GREM2: variants seen among roughly 807,000 people sequenced by gnomAD.
The protein encoded by GREM2 is gremlin-2.
GREM2 carries 11 observed loss-of-function variants against 14.2 expected under a neutral mutation model. The ratio of observed to expected loss-of-function variants is 0.78; its 90% CI spans 0.49 to 1.28. The LOEUF is 1.28. GREM2 is among the 50% of genes most tolerant of loss of function. The pLI is 0.00. For missense variants in GREM2, 210 were observed against 218.5 expected (o/e 0.96, Z 0.24); for synonymous variants, 98 against 97.6 (o/e 1.00, Z -0.02).
intron 1 of GREM2, among the ~76,000 whole-genome samples, chr1:240,603,792 T>C (rs1224777745): frequency 6.6e-6 from 1 of 151,820 alleles, no homozygotes; most frequent in African/African-American, 2.4e-5. Flanking sequence ...ATTGTGTTAT[T>C]ATATATGTAT....
chr1:240,569,922 T>TC (rs1179305940), intron 1 of GREM2, among the ~76,000 whole-genome samples: 1 of 35,556 alleles, frequency 2.8e-5, no homozygotes, highest in African/African-American at 5.0e-4. Context: ...TTCACTAAAA[T>TC]TTTTTTAATT....
chr1:240,560,690 C>G (rs545905207), intron 1 of GREM2, among the ~76,000 whole-genome samples: 3 of 152,234 alleles, frequency 2.0e-5, no homozygotes, highest in African/African-American at 4.8e-5. Flanking sequence ...CCTCTTGCTT[C>G]CAATCCTCTT....
intron 1 of GREM2, among the ~76,000 whole-genome samples, chr1:240,535,497 C>T (rs538461084): frequency 1.2e-4 from 18 of 152,142 alleles, no homozygotes; most frequent in African/African-American, 3.6e-4. Context: ...GTTTAAAGGA[C>T]GAATGTGAGA....
At chr1:240,597,982 A>C (rs1679854626) in intron 1 of GREM2, among the ~76,000 whole-genome samples, 2 of 152,172 alleles carry the variant, frequency 1.3e-5, no homozygotes, top group African/African-American at 4.8e-5. Context: ...AAGCCACCCT[A>C]ATAAATATTT....
intron 1 of GREM2, among the ~76,000 whole-genome samples, chr1:240,502,156 T>C (rs1677583169): frequency 6.6e-6 from 1 of 152,100 alleles, no homozygotes; most frequent in Admixed American, 6.5e-5. Flanking sequence ...TGTCTCTGTA[T>C]ACATAAAAAT....
intron 1 of GREM2, among the ~76,000 whole-genome samples, chr1:240,565,858 A>AAC (rs1039943245): frequency 1.3e-5 from 2 of 150,780 alleles, no homozygotes; most frequent in African/African-American, 4.9e-5. Flanking sequence ...AAAAAAAAAA[A>AAC]AAAACAAAAC....
intron 1 of GREM2, among the ~76,000 whole-genome samples, chr1:240,500,366 T>C (rs1572365196): frequency 6.6e-6 from 1 of 152,156 alleles, no homozygotes; most frequent in African/African-American, 2.4e-5. Flanking sequence ...TGGCGCGATC[T>C]TGGCTCACTG....
intron 1 of GREM2, 87 bp downstream of exon 1, chr1:240,611,793 GAACA>G (rs1432432185): frequency 6.6e-6 from 1 of 152,628 alleles, no homozygotes; most frequent in Non-Finnish European, 1.5e-5. Context: ...ACCAGCCACG[GAACA>G]AACAACGTCA....
intron 1 of GREM2, among the ~76,000 whole-genome samples, chr1:240,501,498 G>A (rs1408841562): frequency 2.6e-5 from 4 of 152,196 alleles, no homozygotes; most frequent in Non-Finnish European, 1.5e-5. Context: ...TAGGGAATTT[G>A]TAATCAACGT....
At chr1:240,584,187 C>T (rs886659457) in intron 1 of GREM2, among the ~76,000 whole-genome samples, 2 of 151,882 alleles carry the variant, frequency 1.3e-5, no homozygotes, top group African/African-American at 4.8e-5. Flanking sequence ...AGTAAGACCC[C>T]ATCTCTACAA....
chr1:240,505,856 G>T (rs2103283073), intron 1 of GREM2, among the ~76,000 whole-genome samples: 1 of 152,068 alleles, frequency 6.6e-6, no homozygotes, highest in East Asian at 1.9e-4. Context: ...AGAAAAAAAT[G>T]TAAAATTTCC....
At chr1:240,564,731 G>T (rs1246215295) in intron 1 of GREM2, among the ~76,000 whole-genome samples, 3 of 152,100 alleles carry the variant, frequency 2.0e-5, no homozygotes, top group Non-Finnish European at 4.4e-5. Context: ...CAAAGGCAAG[G>T]TATATTAACT....
Position 240,540,567 on chromosome 1 carries a change from CTTT to C in GREM2, c.-1-47094_-1-47092del, listed in dbSNP as rs113815795. 1.4e-5 allele frequency among the ~76,000 whole-genome samples: 2 copies of C among 143,090 alleles called. No homozygotes were observed. Among genetic ancestry groups the C allele is most frequent in the Non-Finnish European group, 1.5e-5 (1 of 64,892 alleles). 93.9% of individuals were successfully genotyped at this position (143,090 alleles called of 152,430 possible). A position where few individuals can be genotyped will look rare whatever the true frequency, so the allele number is the denominator to read the frequency against. On this transcript the variant is annotated intron_variant, in intron 1 of 1. Transcript: ENST00000318160. The surrounding 1 kb of genome is among the most constrained non-coding windows in gnomAD (Gnocchi z 4.2). ...GTAAGTCAAAAGAAGAATGGTACTT[CTTT>C]TTTTTTTTTTTGAGATGGAGTCTCA...
intron 1 of GREM2, among the ~76,000 whole-genome samples, chr1:240,526,448 A>T (rs1489697860): frequency 6.6e-6 from 1 of 152,194 alleles, no homozygotes; most frequent in East Asian, 1.9e-4. Flanking sequence ...CTTCAACACT[A>T]ATCCGGCAAG....
chr1:240,506,640 C>T (rs1478354018), intron 1 of GREM2, among the ~76,000 whole-genome samples: 2 of 152,196 alleles, frequency 1.3e-5, no homozygotes, highest in African/African-American at 4.8e-5. Flanking sequence ...ATACCAAAAG[C>T]ATTCTCCATT....
At chr1:240,517,292 C>A (rs985958428) in intron 1 of GREM2, among the ~76,000 whole-genome samples, 1 of 152,176 alleles carries the variant, frequency 6.6e-6, no homozygotes. Context: ...CCAACTGTAT[C>A]ATTTTAAGTA....
At chr1:240,518,827 G>A (rs1678011483) in intron 1 of GREM2, among the ~76,000 whole-genome samples, 1 of 152,122 alleles carries the variant, frequency 6.6e-6, no homozygotes, top group Admixed American at 6.5e-5. Context: ...ATCACTAATG[G>A]GAAAACAAAG....
intron 1 of GREM2, among the ~76,000 whole-genome samples, chr1:240,513,870 T>C (rs1467888461): frequency 6.6e-6 from 1 of 152,134 alleles, no homozygotes; most frequent in Non-Finnish European, 1.5e-5. Context: ...TAAGAATTAC[T>C]GGAATAATCT....
intron 1 of GREM2, among the ~76,000 whole-genome samples, chr1:240,554,824 A>C (rs1412375845): frequency 2.6e-5 from 4 of 152,092 alleles, no homozygotes; most frequent in African/African-American, 9.7e-5. Context: ...CCCATTAGTT[A>C]TGCTAATGTT....
Sources: allele counts gnomAD v4.1 joint callset (sites outside exome capture counted in the v4.1 genomes callset), GRCh38; gene constraint gnomAD v4.1.1; non-coding constraint Gnocchi (gnomAD v3.1); transcripts MANE v1.5; gene names NCBI Gene and HGNC (gene_info 2026-07-23, HGNC 2026-07-21).